DNAH10: variants seen among roughly 807,000 people sequenced by gnomAD.
The protein encoded by DNAH10 is axonemal beta dynein heavy chain 10.
In DNAH10, 348 loss-of-function variants were observed where a neutral mutation model predicts 506.6. That is an observed-to-expected ratio of 0.69 (90% CI 0.63 to 0.75). The LOEUF (loss-of-function observed/expected upper bound fraction) is 0.75. Ranked by LOEUF, DNAH10 falls within the 30% of genes least tolerant of loss-of-function variation. The pLI, the probability that DNAH10 is intolerant of heterozygous loss-of-function variation, is 0.00. For synonymous variants in DNAH10, 2,059 were observed against 2,198.6 expected, an observed-to-expected ratio of 0.94 and a Z score of 1.78; for missense variants, 5,179 against 5,787.1, an observed-to-expected ratio of 0.89 and a Z score of 3.41.
At chr12:123,900,978 A>G (rs7964324) in intron 56 of DNAH10, among the ~76,000 whole-genome samples, 43,750 of 152,114 alleles carry the variant, frequency 0.29, 7,334 homozygotes, top group African/African-American at 0.47. Context: ...GCCGAAACCA[A>G]TCCTGGTGGC....
intron 1 of DNAH10, among the ~76,000 whole-genome samples, chr12:123,765,712 C>G (rs1957013294): frequency 6.6e-6 from 1 of 151,178 alleles, no homozygotes; most frequent in South Asian, 2.1e-4. Context: ...GTCTATCTAC[C>G]TATCATTCAC....
At position 123,857,084 on chromosome 12, in the gene DNAH10, A is replaced by T; in HGVS notation, c.6467A>T (p.Asp2156Val). ...EDVVLMRALRDMNLPKFVFED... is the reference protein window; with the variant it reads ...EDVVLMRALRVMNLPKFVFED... ...GTGGTGCTGATGAGGGCCTTGCGAGACATGAACTTGCCCAAATTTGTGTTT... is the reference window on the plus strand; with the variant it reads ...GTGGTGCTGATGAGGGCCTTGCGAGTCATGAACTTGCCCAAATTTGTGTTT... Residue 2156 changes from aspartate to valine, a missense_variant, in exon 37 of 79, where the codon GAC (aspartate) becomes GTC (valine). Physicochemically the swap from Asp to Val is radical, Grantham distance 152. Around this residue, in one of 3 missense-constraint regions of DNAH10, gnomAD observed 4,844 missense variants for 5,430.5 expected, o/e 0.89. Coordinates refer to ENST00000673944, the MANE Select transcript of DNAH10 (RefSeq NM_001372106.1). 6.2e-7 allele frequency: 1 copy of T among 1,612,998 alleles called. No homozygotes were observed. The highest frequency in any genetic ancestry group is 1.1e-5 in the South Asian group (1 of 90,792).
At position 123,771,670 on chromosome 12, in the gene DNAH10, A is replaced by G. The variant is rs762776587; in HGVS notation, c.368A>G (p.Lys123Arg). The change falls in exon 3 of 79, where the codon AAA becomes AGA. Residue 123 changes from lysine to arginine, a missense_variant. This residue lies in a region of DNAH10 where 326 missense variants were observed against 330.8 expected (regional missense o/e 0.99). Transcript: ENST00000673944. Reference protein sequence around the residue: ...PLNREDEEMDKEISEKLPSKR... With the variant: ...PLNREDEEMDREISEKLPSKR... ...AACAGAGAGGATGAAGAAATGGACA[A>G]AGAGATTTCAGAAAAACTCCCTTCC... The G allele has an allele frequency of 5.6e-6, 9 of 1,612,960 alleles. No individual in the cohort carries two copies. The highest frequency in any genetic ancestry group is 5.1e-6 in the Non-Finnish European group (6 of 1,179,516).
At chr12:123,881,868 G>A in intron 51 of DNAH10, 55 bp downstream of exon 51, 1 of 1,404,778 alleles carries the variant, frequency 7.1e-7, no homozygotes, top group Non-Finnish European at 9.3e-7. Flanking sequence ...TCTGCAGTTG[G>A]TAGTTCGTGT....
Position 123,846,191 on chromosome 12 carries a change from C to CTT in DNAH10, c.5814+38_5814+39dup, listed in dbSNP as rs1262803012. 5 of 1,586,992 alleles carry CTT rather than the reference C, an allele frequency of 3.2e-6. No individual in the cohort carries two copies. The East Asian group carries it at 1.1e-4, about 36-fold the overall frequency. On this transcript the variant is annotated intron_variant, in intron 32 of 78. Coordinates refer to ENST00000673944, the MANE Select transcript of DNAH10 (RefSeq NM_001372106.1). This position sits in a 1 kb window ranked among gnomAD's most constrained non-coding sequence, Gnocchi z 4.5. The stretch of plus-strand genomic sequence containing the variant: ...CCTGGCACTTGTGGTTACCACTTAC[C>CTT]TTGGGGCGGGGCATTTTCTCTAAGC...
Position 123,808,327 on chromosome 12 carries a change from C to T in DNAH10, c.2988-470C>T, listed in dbSNP as rs113341161. 9.6e-3 allele frequency among the ~76,000 whole-genome samples: 1,456 copies of T among 152,038 alleles called. 22 individuals are homozygous for T. Among genetic ancestry groups the T allele is most frequent in the African/African-American group, 0.032 (1,331 of 41,500 alleles). ...ATTACAGATGTGAGCCACTGCGCCC[C>T]GCTAGATGTTTTAAAATAGTGTCTC... On this transcript the variant is annotated intron_variant, in intron 18 of 78. Coordinates refer to ENST00000673944, the MANE Select transcript of DNAH10 (RefSeq NM_001372106.1).
Position 123,853,875 on chromosome 12 carries a change from T to C in DNAH10, c.6438+523T>C, listed in dbSNP as rs1951276603. Among the ~76,000 whole-genome samples, 1 of 147,544 alleles carries C rather than the reference T, an allele frequency of 6.8e-6. No individual in the cohort carries two copies. The highest frequency in any genetic ancestry group is 2.5e-5 in the African/African-American group (1 of 39,732). On this transcript the variant is annotated intron_variant, in intron 36 of 78. Coordinates refer to ENST00000673944, the MANE Select transcript of DNAH10 (RefSeq NM_001372106.1). The surrounding 1 kb of genome is among the most constrained non-coding windows in gnomAD (Gnocchi z 4.7). ...ACACGCACGCGCACACACACACGGATACATGCACGCGCACACACGTACGCA... is the reference window on the plus strand; with the variant it reads ...ACACGCACGCGCACACACACACGGACACATGCACGCGCACACACGTACGCA...
At chr12:123,912,735 G>A (rs1253678738) in intron 59 of DNAH10, among the ~76,000 whole-genome samples, 1 of 152,184 alleles carries the variant, frequency 6.6e-6, no homozygotes, top group Non-Finnish European at 1.5e-5. Flanking sequence ...GTGACCTTGC[G>A]CTATAGCTCG....
At position 123,838,736 on chromosome 12, in the gene DNAH10, C is replaced by T. The variant is rs149183775; in HGVS notation, c.5136+47C>T. 2.1e-3 allele frequency: 3,209 copies of T among 1,535,662 alleles called. 7 individuals are homozygous for T. The highest frequency in any genetic ancestry group is 3.5e-3 in the Middle Eastern group (20 of 5,788). ...GGGCTCCCCGTGTAAGCCTTAGAAC[C>T]GCCTTCGGTCCTCCCTGGTTCCCTT... On this transcript the variant is annotated intron_variant, in intron 29 of 78. Transcript: ENST00000673944.
At chr12:123,874,606 CCCATCCAT>C (rs111763952) in intron 46 of DNAH10, among the ~76,000 whole-genome samples, 12 of 148,064 alleles carry the variant, frequency 8.1e-5, no homozygotes, top group African/African-American at 1.5e-4. Context: ...CATCCATCTA[CCCATCCAT>C]CCATCCATCC....
intron 50 of DNAH10, among the ~76,000 whole-genome samples, chr12:123,880,088 C>T (rs961484730): frequency 5.9e-5 from 9 of 152,186 alleles, no homozygotes; most frequent in African/African-American, 2.2e-4. Context: ...ACTTGTTTGA[C>T]TCCCTAATAT....
intron 19 of DNAH10, among the ~76,000 whole-genome samples, chr12:123,810,547 G>A (rs977818975): frequency 6.6e-6 from 1 of 152,130 alleles, no homozygotes. Flanking sequence ...CACAAAATTA[G>A]CTGGGCGTGG....
chr12:123,928,913 T>C lies in DNAH10; in HGVS notation c.12306+326T>C. 1 of 445,480 alleles carries C rather than the reference T, an allele frequency of 2.2e-6. No homozygotes were observed. Among genetic ancestry groups the C allele is most frequent in the Non-Finnish European group, 4.0e-6 (1 of 251,454 alleles). The allele number at this position is 445,480 out of a possible 1,614,324, so 27.6% of individuals were successfully genotyped here. The stretch of plus-strand genomic sequence containing the variant: ...TAGTGCTGACTGCAGGAGTTTCGCG[T>C]GGTTTACATGCCCCATTTAATTTAT... On this transcript the variant is annotated intron_variant, in intron 70 of 78. Transcript: ENST00000673944. This position sits in a 1 kb window ranked among gnomAD's most constrained non-coding sequence, Gnocchi z 4.9.
rs759360327 is a variant in DNAH10, at chr12:123,934,662, G to C, written c.13519G>C (p.Asp4507His). 14 of 1,613,626 alleles carry C rather than the reference G, an allele frequency of 8.7e-6. No homozygotes were observed. The highest frequency in any genetic ancestry group is 1.1e-5 in the Non-Finnish European group (13 of 1,179,792). The change falls in exon 78 of 79, where the codon GAT (aspartate) becomes CAT (histidine). Residue 4507 changes from aspartate (D) to histidine (H), a missense_variant. By Grantham distance (81) the Asp-to-His change is moderately conservative. Transcript: ENST00000673944. ...SGLYLEGADW[D>H]IEKGCLIKSK... ...ACTGTACCTGGAAGGTGCTGACTGGGATATAGAAAAAGGATGTCTTATCAA... is the reference window on the plus strand; with the variant it reads ...ACTGTACCTGGAAGGTGCTGACTGGCATATAGAAAAAGGATGTCTTATCAA...
intron 50 of DNAH10, among the ~76,000 whole-genome samples, chr12:123,881,356 G>A (rs1039874157): frequency 2.6e-5 from 4 of 152,308 alleles, no homozygotes; most frequent in African/African-American, 4.8e-5. Context: ...AGTGGTGTGA[G>A]ATGGTATCTC....
intron 53 of DNAH10, 91 bp from the exon 54 acceptor site, chr12:123,894,552 C>T: frequency 2.5e-6 from 3 of 1,218,756 alleles, no homozygotes; most frequent in South Asian, 2.6e-5. Context: ...GCCACCACAC[C>T]CGGCCCTGAT....
chr12:123,871,337 T>C (rs1952024818), intron 44 of DNAH10, 120 bp from the exon 45 acceptor site: 2 of 1,162,888 alleles, frequency 1.7e-6, no homozygotes, highest in Non-Finnish European at 2.4e-6. Context: ...TGAGGTCATG[T>C]CTTGGCCTTT....
Position 123,916,389 on chromosome 12 carries a change from C to T in DNAH10, c.10723-68C>T. On this transcript the variant is annotated intron_variant, in intron 62 of 78. Coordinates refer to ENST00000673944, the MANE Select transcript of DNAH10 (RefSeq NM_001372106.1). The surrounding 1 kb of genome is among the most constrained non-coding windows in gnomAD (Gnocchi z 4.6). ...ATCCACTTCCCACTTCCAAGCCATT[C>T]TCCCCTTATATTTGGCAGGGCCACA... The T allele has an allele frequency of 6.5e-7, 1 of 1,541,716 alleles. No homozygotes were observed. Among genetic ancestry groups the T allele is most frequent in the Non-Finnish European group, 8.7e-7 (1 of 1,147,760 alleles).
intron 23 of DNAH10, among the ~76,000 whole-genome samples, chr12:123,819,705 T>G (rs574079643): frequency 9.6e-5 from 14 of 145,296 alleles, no homozygotes; most frequent in Admixed American, 6.1e-4. Context: ...ATTCTGTTTT[T>G]TTTTTTTTTT....
Sources: allele counts gnomAD v4.1 joint callset (sites outside exome capture counted in the v4.1 genomes callset), GRCh38; gene constraint gnomAD v4.1.1; regional missense constraint gnomAD v4.1.1; non-coding constraint Gnocchi (gnomAD v3.1); transcripts MANE v1.5; gene names NCBI Gene and HGNC (gene_info 2026-07-23, HGNC 2026-07-21).